SLC27A3: variants seen among roughly 807,000 people sequenced by gnomAD.
SLC27A3 encodes long-chain fatty acid transport protein 3.
SLC27A3 carries 60 observed loss-of-function variants against 60.1 expected under a neutral mutation model. The ratio of observed to expected loss-of-function variants is 1.00; its 90% CI spans 0.81 to 1.24. SLC27A3 has a LOEUF of 1.24. Ranked by LOEUF, SLC27A3 falls within the 50% of genes most tolerant of loss-of-function variation. The pLI is 0.00. For missense variants in SLC27A3, 1,079 were observed against 929.9 expected (o/e 1.16, Z -2.09); for synonymous variants, 455 against 409.0 (o/e 1.11, Z -1.36).
In SLC27A3 at chr1:153,778,366, GAGA is replaced by G; in HGVS notation, c.1356+12_1356+14del. On this transcript the variant is annotated intron_variant, in intron 5 of 9. Transcript: ENST00000624995. ...TCCTGGCTTTACAAGGTGAGGGGCA[GAGA>G]GGAAACTGAAAACCCGTGGAACAGC... is the stretch of plus-strand genomic sequence containing the variant. 1 of 1,613,858 alleles carries G rather than the reference GAGA, an allele frequency of 6.2e-7. No individual in the cohort carries two copies. The highest frequency in any genetic ancestry group is 8.5e-7 in the Non-Finnish European group (1 of 1,179,804).
chr1:153,776,038 C>T lies in SLC27A3; in HGVS notation c.541C>T (p.Leu181=). 1.4e-6 allele frequency: 2 copies of T among 1,458,822 alleles called. No homozygotes were observed. Among genetic ancestry groups the T allele is most frequent in the Non-Finnish European group, 1.8e-6 (2 of 1,113,728 alleles). 90.4% of individuals were successfully genotyped at this position (1,458,822 alleles called of 1,614,324 possible). Reference sequence around the variant, plus strand: ...GCTCCTCCCCGCTGGCCCAGAGTTTCTGTGGCTCTGGTTCGGGCTGGCCAA... The same window carrying T: ...GCTCCTCCCCGCTGGCCCAGAGTTTTTGTGGCTCTGGTTCGGGCTGGCCAA... ...ALLLPAGPEF[L]WLWFGLAKAG... is the part of the protein sequence containing the mutation. Residue 181 remains leucine, a synonymous_variant, in exon 1 of 10, where the codon CTG becomes TTG. Transcript: ENST00000624995.
intron 1 of SLC27A3, 67 bp downstream of exon 1, chr1:153,776,231 A>C (rs895281746): frequency 5.0e-6 from 7 of 1,405,594 alleles, no homozygotes; most frequent in Non-Finnish European, 5.5e-6. Context: ...CGGAGACCAC[A>C]GAAAGGCTTG....
In SLC27A3 at chr1:153,775,446, G is replaced by T. The variant is rs974540783; in HGVS notation, c.-52G>T. 1 of 1,612,476 alleles carries T rather than the reference G, an allele frequency of 6.2e-7. No individual in the cohort carries two copies. Among genetic ancestry groups the T allele is most frequent in the Admixed American group, 1.7e-5 (1 of 60,026 alleles). ...TAGGTTTTCGGAAGGGAGGATCAGG[G>T]ATGTTTGCGAGCGGCTGGAACCAGA... is the stretch of plus-strand genomic sequence containing the variant. On this transcript the variant is annotated 5_prime_UTR_variant, in exon 1 of 10. Coordinates refer to ENST00000624995, the MANE Select transcript of SLC27A3 (RefSeq NM_024330.4).
In SLC27A3 at chr1:153,775,656, G is replaced by C. The variant is rs373105501; in HGVS notation, c.159G>C (p.Ala53=). The change falls in exon 1 of 10, where the codon GCG becomes GCC. Residue 53 remains alanine, a synonymous_variant. Coordinates refer to ENST00000624995, the MANE Select transcript of SLC27A3 (RefSeq NM_024330.4). ...CTCTTCGAGCTCGCGCCCTGGCCGC[G>C]GCTGCCGCCGACCCGGAAGGTCCCG... ...KRALRARALA[A]AAADPEGPEG... The C allele has an allele frequency of 4.3e-4, 651 of 1,530,198 alleles. 8 individuals carry two copies. In the African/African-American group the frequency reaches 7.9e-3, roughly 19 times the overall value. The allele number at this position is 1,530,198 out of a possible 1,614,324, so 94.8% of individuals were successfully genotyped here.
chr1:153,777,609 G>GT lies in SLC27A3; in HGVS notation c.1037-152_1037-151insT. The GT allele has an allele frequency of 3.0e-6, 3 of 990,846 alleles. No individual in the cohort carries two copies. In the East Asian group the frequency reaches 7.2e-5, roughly 24 times the overall value. The allele number at this position is 990,846 out of a possible 1,614,324, so 61.4% of individuals were successfully genotyped here. The stretch of plus-strand genomic sequence containing the variant: ...ACAGGGGCCGGGGGAGGGGAAAGAG[G>GT]GCCAGCACGGCTTCCTGACGGTGTG... On this transcript the variant is annotated intron_variant, in intron 3 of 9. Coordinates refer to ENST00000624995, the MANE Select transcript of SLC27A3 (RefSeq NM_024330.4).
intron 4 of SLC27A3, 32 bp downstream of exon 4, chr1:153,777,917 T>G (rs757599703): frequency 2.5e-6 from 4 of 1,613,962 alleles, no homozygotes; most frequent in Non-Finnish European, 3.4e-6. Context: ...GCAGAGCTGC[T>G]GACACAGGGC....
intron 1 of SLC27A3, 67 bp from the exon 2 acceptor site, chr1:153,776,451 G>A (rs577396890): frequency 1.4e-6 from 2 of 1,445,412 alleles, no homozygotes; most frequent in Non-Finnish European, 1.9e-6. Flanking sequence ...GATAGGGAGG[G>A]GACATGGGTC....
chr1:153,777,348 C>A (rs1005731218), intron 3 of SLC27A3, 128 bp downstream of exon 3: 28 of 1,193,508 alleles, frequency 2.3e-5, no homozygotes, highest in Non-Finnish European at 3.4e-5. Flanking sequence ...TCACCAGGAG[C>A]TCTGTACAAT....
At chr1:153,779,015 A>G (rs1047969722) in intron 7 of SLC27A3, 99 bp from the exon 8 acceptor site, 11 of 1,467,724 alleles carry the variant, frequency 7.5e-6, no homozygotes, top group Admixed American at 1.7e-5. Flanking sequence ...AGATCTCACC[A>G]TTTCATCCCT....
rs139575560 is a variant in SLC27A3 at position 153,777,764 on chromosome 1, C to T, written c.1040C>T (p.Ala347Val). 21 of 1,614,052 alleles carry T rather than the reference C, an allele frequency of 1.3e-5. No homozygotes were observed. Among genetic ancestry groups the T allele is most frequent in the Middle Eastern group, 1.6e-4 (1 of 6,082 alleles). ...CCCCCCTGCCCACTTCTGGCAGGGGCCACAGTGGTGCTGAAATCCAAGTTC... is the reference window on the plus strand; with the variant it reads ...CCCCCCTGCCCACTTCTGGCAGGGGTCACAGTGGTGCTGAAATCCAAGTTC... ...LGIVGCMGIGATVVLKSKFSA... is the reference protein window; with the variant it reads ...LGIVGCMGIGVTVVLKSKFSA... Residue 347 changes from alanine to valine, a missense_variant, in exon 4 of 10, where the codon GCC becomes GTC. Transcript: ENST00000624995.
In SLC27A3 at chr1:153,775,588, G is replaced by C. The variant is rs1395891163; in HGVS notation, c.91G>C (p.Ala31Pro). Residue 31 changes from alanine (A) to proline (P), a missense_variant, in exon 1 of 10, where the codon GCG (alanine) becomes CCG (proline). Physicochemically the swap from Ala to Pro is conservative, Grantham distance 27. Coordinates refer to ENST00000624995, the MANE Select transcript of SLC27A3 (RefSeq NM_024330.4). ...CTGGCCGCAGTTGCGCTGGCTTCCG[G>C]CGGACTTGGCCTTTGCGGTGCGAGC... ...HLWPQLRWLP[A>P]DLAFAVRALC... is the part of the protein sequence containing the mutation. 1 of 1,604,780 alleles carries C rather than the reference G, an allele frequency of 6.2e-7. No individual in the cohort carries two copies. The highest frequency in any genetic ancestry group is 1.3e-5 in the African/African-American group (1 of 74,840).
intron 7 of SLC27A3, 92 bp from the exon 8 acceptor site, chr1:153,779,022 C>G: frequency 6.8e-7 from 1 of 1,469,002 alleles, no homozygotes; most frequent in Admixed American, 1.7e-5. Flanking sequence ...ACCATTTCAT[C>G]CCTGTGACAC....
chr1:153,779,889 G>A lies in SLC27A3; in HGVS notation c.1939G>A (p.Asp647Asn), dbSNP rs201498802. The change falls in exon 10 of 10, where the codon GAC becomes AAC. Residue 647 changes from aspartate to asparagine, a missense_variant. Asp to Asn is a conservative substitution (Grantham distance 23). Transcript: ENST00000624995. ...QKVRMANEGF[D>N]PSTLSDPLYV... The stretch of plus-strand genomic sequence containing the variant: ...AGTTCGGATGGCAAATGAGGGCTTC[G>A]ACCCCAGCACCCTGTCTGACCCACT... The A allele has an allele frequency of 2.3e-5, 37 of 1,613,726 alleles. No homozygotes were observed. The highest frequency in any genetic ancestry group is 1.6e-4 in the Middle Eastern group (1 of 6,084).
At chr1:153,779,608 G>A (rs1461021784) in intron 9 of SLC27A3, 135 bp downstream of exon 9, 3 of 1,106,460 alleles carry the variant, frequency 2.7e-6, no homozygotes, top group African/African-American at 3.1e-5. Flanking sequence ...ACTCCGTGAA[G>A]AGAAAAAACA....
At chr1:153,776,815 A>G in intron 2 of SLC27A3, 88 bp downstream of exon 2, 1 of 1,290,948 alleles carries the variant, frequency 7.7e-7, no homozygotes, top group Non-Finnish European at 1.1e-6. Context: ...CAAAGCCCCC[A>G]GAGAGGATGC....
intron 3 of SLC27A3, 156 bp downstream of exon 3, chr1:153,777,376 C>A: frequency 1.1e-6 from 1 of 897,246 alleles, no homozygotes; most frequent in Non-Finnish European, 1.7e-6. Flanking sequence ...TGTCACCTGC[C>A]TAGACCTACA....
chr1:153,779,455 C>A lies in SLC27A3; in HGVS notation c.1857C>A (p.Pro619=). ...AGAACTTGCCACCTTATGCCCGGCC[C>A]CGATTCCTCAGGCTCCAGGTAACCG... is the stretch of plus-strand genomic sequence containing the variant. ...VSENLPPYAR[P]RFLRLQESLA... The change falls in exon 9 of 10, where the codon CCC becomes CCA. Residue 619 remains proline, a synonymous_variant. Coordinates refer to ENST00000624995, the MANE Select transcript of SLC27A3 (RefSeq NM_024330.4). 1 of 1,613,630 alleles carries A rather than the reference C, an allele frequency of 6.2e-7. No individual in the cohort carries two copies. The highest frequency in any genetic ancestry group is 8.5e-7 in the Non-Finnish European group (1 of 1,179,942).
At chr1:153,777,918 G>A (rs779171966) in intron 4 of SLC27A3, 33 bp downstream of exon 4, 1 of 1,613,914 alleles carries the variant, frequency 6.2e-7, no homozygotes, top group Non-Finnish European at 8.5e-7. Flanking sequence ...CAGAGCTGCT[G>A]ACACAGGGCT....
chr1:153,778,840 A>C lies in SLC27A3; in HGVS notation c.1601A>C (p.Asp534Ala). 1 of 1,614,100 alleles carries C rather than the reference A, an allele frequency of 6.2e-7. No individual in the cohort carries two copies. Residue 534 changes from aspartate (D) to alanine (A), a missense_variant, in exon 7 of 10, where the codon GAC becomes GCC. Coordinates refer to ENST00000624995, the MANE Select transcript of SLC27A3 (RefSeq NM_024330.4). ...FNTGDLLVCD[D>A]QGFLRFHDRT... is the part of the protein sequence containing the mutation. Reference sequence around the variant, plus strand: ...ACTGGGGACCTGCTGGTCTGCGATGACCAAGGTTTTCTCCGCTTCCATGAT... The same window carrying C: ...ACTGGGGACCTGCTGGTCTGCGATGCCCAAGGTTTTCTCCGCTTCCATGAT...
Sources: allele counts gnomAD v4.1 joint callset, GRCh38; gene constraint gnomAD v4.1.1; transcripts MANE v1.5; gene names NCBI Gene and HGNC (gene_info 2026-07-23, HGNC 2026-07-21).